TIAM2: variants seen among roughly 807,000 people sequenced by gnomAD.
TIAM2 encodes the protein rho guanine nucleotide exchange factor TIAM2.
A neutral mutation model predicts 152.9 loss-of-function variants in TIAM2; 80 were observed. The ratio of observed to expected loss-of-function variants is 0.52; its 90% CI spans 0.44 to 0.63. The LOEUF (loss-of-function observed/expected upper bound fraction) is 0.63, where lower values mean the gene tolerates loss of function less well. Ranked by LOEUF, TIAM2 falls within the 30% of genes least tolerant of loss-of-function variation. TIAM2 has a pLI of 0.00. For synonymous variants in TIAM2, 804 were observed against 838.0 expected, an observed-to-expected ratio of 0.96 and a Z score of 0.70; for missense variants, 1,965 against 2,120.1, an observed-to-expected ratio of 0.93 and a Z score of 1.44.
At chr6:155,071,611 T>A (rs1266658180) in intron 1 of TIAM2, among the ~76,000 whole-genome samples, 3 of 152,048 alleles carry the variant, frequency 2.0e-5, no homozygotes, top group African/African-American at 7.2e-5. Context: ...CACCTGAAAG[T>A]AAAGAATTAT....
At chr6:155,069,234 A>C (rs1195114988) in intron 1 of TIAM2, among the ~76,000 whole-genome samples, 1 of 152,086 alleles carries the variant, frequency 6.6e-6, no homozygotes, top group Non-Finnish European at 1.5e-5. Context: ...AGCTGGGATT[A>C]CAGGTATGTG....
rs572706823 is a variant in TIAM2, at chr6:155,090,332, C to G, written c.-165C>G. 1.3e-5 allele frequency: 2 copies of G among 152,328 alleles called. No individual in the cohort carries two copies. Among genetic ancestry groups the G allele is most frequent in the South Asian group, 4.1e-4 (2 of 4,826 alleles). The allele number at this position is 152,328 out of a possible 1,614,324, so 9.4% of individuals were successfully genotyped here. On this transcript the variant is annotated 5_prime_UTR_variant, in exon 2 of 27. Transcript: ENST00000682666. ...CAAGGATACCTTCAGCCAGCTCATT[C>G]TGGATGAATGAATGATTACACTAAG...
rs765700396 is a variant in TIAM2 at position 155,182,288 on chromosome 6, G to C, written c.2770G>C (p.Val924Leu). The C allele has an allele frequency of 6.2e-7, 1 of 1,614,058 alleles. No homozygotes were observed. The highest frequency in any genetic ancestry group is 1.3e-5 in the African/African-American group (1 of 74,932). ...QHLSRIFISD[V>L]LPDGLAYGEG... is the part of the protein sequence containing the mutation. ...TCTCAGCCGGATATTTATAAGCGAC[G>C]TTCTTCCCGATGGCCTGGCGTATGG... is the stretch of plus-strand genomic sequence containing the variant. Residue 924 changes from valine to leucine, a missense_variant, in exon 13 of 27, where the codon GTT (valine) becomes CTT (leucine). This residue lies in a region of TIAM2 where 935 missense variants were observed against 980.0 expected (regional missense o/e 0.95). Transcript: ENST00000682666.
At chr6:155,039,076 TCA>T (rs1776973390) in intron 1 of TIAM2, among the ~76,000 whole-genome samples, 1 of 146,178 alleles carries the variant, frequency 6.8e-6, no homozygotes, top group Admixed American at 7.0e-5. Flanking sequence ...TCCTCCTACC[TCA>T]GTCTCCTGAG....
chr6:155,247,838 C>T (rs529566907), intron 19 of TIAM2, among the ~76,000 whole-genome samples, 162 bp from the exon 20 acceptor site: 28 of 152,324 alleles, frequency 1.8e-4, no homozygotes, highest in Admixed American at 1.2e-3. Flanking sequence ...GAATCCCACG[C>T]TGACAGCTGG....
intron 1 of TIAM2, among the ~76,000 whole-genome samples, chr6:155,028,598 T>TAC (rs199604738): frequency 7.0e-5 from 9 of 129,404 alleles, no homozygotes; most frequent in African/African-American, 2.9e-4. Context: ...ATAATATATA[T>TAC]ACTGTGTTAT....
intron 1 of TIAM2, among the ~76,000 whole-genome samples, chr6:155,046,144 G>A (rs982712953): frequency 6.6e-6 from 1 of 152,004 alleles, no homozygotes; most frequent in African/African-American, 2.4e-5. Context: ...GGTTTTCCCT[G>A]TGTCTTTGCT....
intron 1 of TIAM2, among the ~76,000 whole-genome samples, chr6:155,080,024 A>G (rs537146358): frequency 2.6e-4 from 39 of 152,296 alleles, no homozygotes; most frequent in African/African-American, 8.9e-4. Flanking sequence ...GATGATGGTA[A>G]AATGAAACAG....
At chr6:155,144,826 G>A in intron 6 of TIAM2, 48 bp downstream of exon 6, 1 of 1,534,462 alleles carries the variant, frequency 6.5e-7, no homozygotes, top group Admixed American at 2.3e-5. Flanking sequence ...TGTACTGCTA[G>A]AATAAGAAGG....
intron 15 of TIAM2, among the ~76,000 whole-genome samples, chr6:155,226,435 C>T (rs1011458052): frequency 3.9e-5 from 6 of 151,902 alleles, no homozygotes; most frequent in Non-Finnish European, 5.9e-5. Context: ...TTTGGGAGGC[C>T]GAGGCAGGTG....
intron 1 of TIAM2, among the ~76,000 whole-genome samples, chr6:155,081,267 G>A (rs1475685124): frequency 1.3e-5 from 2 of 152,076 alleles, no homozygotes; most frequent in African/African-American, 2.4e-5. Flanking sequence ...ATCTGCTCGT[G>A]CATCTGTTTG....
intron 1 of TIAM2, among the ~76,000 whole-genome samples, chr6:155,018,664 T>C (rs1315249743): frequency 1.3e-3 from 2 of 1,524 alleles, no homozygotes; most frequent in Non-Finnish European, 2.3e-3. Context: ...TCTCTCCCTT[T>C]CCCTCCCCTC....
chr6:155,077,926 C>T (rs925498408), intron 1 of TIAM2, among the ~76,000 whole-genome samples: 1 of 152,200 alleles, frequency 6.6e-6, no homozygotes, highest in Admixed American at 6.5e-5. Flanking sequence ...TGAAAACACA[C>T]TTTTGGATTT....
chr6:155,018,287 G>A (rs1268970582), intron 1 of TIAM2, among the ~76,000 whole-genome samples: 1 of 144,654 alleles, frequency 6.9e-6, no homozygotes, highest in Non-Finnish European at 1.5e-5. Context: ...ATATATGTAT[G>A]TATATATAAA....
chr6:155,047,891 T>C (rs1312987215), intron 1 of TIAM2, among the ~76,000 whole-genome samples: 2 of 152,170 alleles, frequency 1.3e-5, no homozygotes, highest in African/African-American at 2.4e-5. Flanking sequence ...TGCTGACCGC[T>C]GGGTCCTGTA....
chr6:155,093,638 TG>T (rs1778350522), intron 2 of TIAM2, among the ~76,000 whole-genome samples: 1 of 152,200 alleles, frequency 6.6e-6, no homozygotes. Flanking sequence ...AAAGATGAGA[TG>T]GTGCCTCTTT....
At chr6:155,020,267 C>T (rs1283682489) in intron 1 of TIAM2, among the ~76,000 whole-genome samples, 23 of 152,162 alleles carry the variant, frequency 1.5e-4, no homozygotes, top group Non-Finnish European at 4.4e-5. Context: ...ATCCACGTCA[C>T]AGAGTGATGG....
intron 1 of TIAM2, among the ~76,000 whole-genome samples, chr6:155,084,508 T>G (rs1189879014): frequency 6.6e-6 from 1 of 152,240 alleles, no homozygotes; most frequent in Non-Finnish European, 1.5e-5. Flanking sequence ...AGGAGCCAGA[T>G]TGACTGATGT....
intron 1 of TIAM2, among the ~76,000 whole-genome samples, chr6:155,023,376 G>A (rs1218616361): frequency 6.6e-6 from 1 of 152,164 alleles, no homozygotes; most frequent in Non-Finnish European, 1.5e-5. Context: ...GGGGCAAAAA[G>A]TGTTCTTATT....
Sources: allele counts gnomAD v4.1 joint callset (sites outside exome capture counted in the v4.1 genomes callset), GRCh38; gene constraint gnomAD v4.1.1; regional missense constraint gnomAD v4.1.1; transcripts MANE v1.5; gene names NCBI Gene and HGNC (gene_info 2026-07-23, HGNC 2026-07-21).